The following ACTL6B variants were observed in gnomAD, a reference collection of about 807,000 sequenced individuals.
ACTL6B encodes the protein actin like 6B, also known as actin-like protein 6B.
A neutral mutation model predicts 63.3 loss-of-function variants in ACTL6B; 48 were observed. The observed-to-expected ratio is 0.76, with a 90% CI of 0.60 to 0.96. The LOEUF is 0.96. Ranked by LOEUF, ACTL6B falls within the 50% of genes least tolerant of loss-of-function variation. The pLI is 0.00. For synonymous variants in ACTL6B, 230 were observed against 223.8 expected (o/e 1.03, Z -0.25); for missense variants, 350 against 572.2 (o/e 0.61, Z 3.96).
Position 100,643,119 on chromosome 7 carries a change from A to T in ACTL6B, c.*127T>A. 1 of 1,061,762 alleles carries T rather than the reference A, an allele frequency of 9.4e-7. No individual in the cohort carries two copies. Among genetic ancestry groups the T allele is most frequent in the Non-Finnish European group, 1.4e-6 (1 of 717,384 alleles). 65.8% of individuals were successfully genotyped at this position (1,061,762 alleles called of 1,614,324 possible). On this transcript the variant is annotated 3_prime_UTR_variant, in exon 14 of 14. Coordinates refer to ENST00000160382, the MANE Select transcript of ACTL6B (RefSeq NM_016188.5). Reference sequence around the variant, plus strand: ...AACTTTTTTTTCTTAAAACATTTTTACTTCTTTCAACCCAGAAACATCACC... The same window carrying T: ...AACTTTTTTTTCTTAAAACATTTTTTCTTCTTTCAACCCAGAAACATCACC...
chr7:100,655,254 G>A lies in ACTL6B; in HGVS notation c.269-135C>T. The A allele has an allele frequency of 2.5e-6, 3 of 1,198,922 alleles. No homozygotes were observed. Among genetic ancestry groups the A allele is most frequent in the Non-Finnish European group, 3.6e-6 (3 of 841,370 alleles). 74.3% of individuals were successfully genotyped at this position (1,198,922 alleles called of 1,614,324 possible). A position where few individuals can be genotyped will look rare whatever the true frequency, so the allele number is the denominator to read the frequency against. On this transcript the variant is annotated intron_variant, in intron 3 of 13. Transcript: ENST00000160382. The surrounding 1 kb of genome is among the most constrained non-coding windows in gnomAD (Gnocchi z 4.4). ...CTCCAGGGGAACGCCCCCCTTCCCA[G>A]AAACCTGGTGGGCCCCTGGGAAGGG...
At position 100,656,430 on chromosome 7, in the gene ACTL6B, C is replaced by A. The variant is rs1278457796; in HGVS notation, c.-76G>T. 3.2e-6 allele frequency: 4 copies of A among 1,257,204 alleles called. No homozygotes were observed. Among genetic ancestry groups the A allele is most frequent in the African/African-American group, 1.6e-5 (1 of 64,452 alleles). The allele number at this position is 1,257,204 out of a possible 1,614,324, so 77.9% of individuals were successfully genotyped here. ...GAGGCGGCCGGACAGCTCCCGGGAT[C>A]CCTGGCGGGGCGGGACTCTCAGCGG... is the stretch of plus-strand genomic sequence containing the variant. On this transcript the variant is annotated 5_prime_UTR_variant, in exon 1 of 14. Coordinates refer to ENST00000160382, the MANE Select transcript of ACTL6B (RefSeq NM_016188.5).
chr7:100,646,962 C>G lies in ACTL6B; in HGVS notation c.936+9G>C, dbSNP rs1415370774. The G allele has an allele frequency of 6.2e-7, 1 of 1,613,566 alleles. No individual in the cohort carries two copies. The highest frequency in any genetic ancestry group is 8.5e-7 in the Non-Finnish European group (1 of 1,179,762). The stretch of plus-strand genomic sequence containing the variant: ...AGCACCCACCCCAGTCCTCGCCACA[C>G]AGCCAAACCTTGACGTTCGAGGGAT... On this transcript the variant is annotated intron_variant, in intron 10 of 13. Coordinates refer to ENST00000160382, the MANE Select transcript of ACTL6B (RefSeq NM_016188.5). The surrounding 1 kb of genome is among the most constrained non-coding windows in gnomAD (Gnocchi z 6.1).
chr7:100,646,841 G>C lies in ACTL6B; in HGVS notation c.937-10C>G, dbSNP rs1431840243. The C allele has an allele frequency of 1.1e-5, 18 of 1,610,634 alleles. No homozygotes were observed. Among genetic ancestry groups the C allele is most frequent in the Non-Finnish European group, 1.4e-5 (17 of 1,178,716 alleles). On this transcript the variant is annotated splice_polypyrimidine_tract_variant and intron_variant, in intron 10 of 13. Transcript: ENST00000160382. This position sits in a 1 kb window ranked among gnomAD's most constrained non-coding sequence, Gnocchi z 6.1. ...TGTTCCCCGACAGGCCCTGCAGAGA[G>C]AGGTGACTGGGGCTGTGGGCTCTCT...
intron 4 of ACTL6B, among the ~76,000 whole-genome samples, chr7:100,654,784 T>A (rs1804007019): frequency 6.6e-6 from 1 of 150,948 alleles, no homozygotes. Flanking sequence ...AAAAAAAATT[T>A]AAAAAGGACT....
intron 4 of ACTL6B, among the ~76,000 whole-genome samples, chr7:100,653,415 C>A (rs1457681019): frequency 6.6e-6 from 1 of 151,926 alleles, no homozygotes; most frequent in African/African-American, 2.4e-5. Context: ...TTTGGGAGGC[C>A]GAGGCGGGCA....
rs1309650200 is a variant in ACTL6B, at chr7:100,648,864, G to A, written c.468-41C>T. ...TAAGTCAAAGAGACAGCAGCAGCAA[G>A]TGAGGGGCCTGGGCCCAGATCTTGT... is the stretch of plus-strand genomic sequence containing the variant. On this transcript the variant is annotated intron_variant, in intron 5 of 13. Coordinates refer to ENST00000160382, the MANE Select transcript of ACTL6B (RefSeq NM_016188.5). The surrounding 1 kb of genome is among the most constrained non-coding windows in gnomAD (Gnocchi z 4.4). 16 of 1,583,764 alleles carry A rather than the reference G, an allele frequency of 1.0e-5. No homozygotes were observed. In the East Asian group the frequency reaches 3.4e-4, roughly 34 times the overall value.
intron 4 of ACTL6B, among the ~76,000 whole-genome samples, chr7:100,653,676 A>G (rs1263961942): frequency 6.6e-6 from 1 of 151,976 alleles, no homozygotes; most frequent in Admixed American, 6.6e-5. Flanking sequence ...CAAACAACAA[A>G]CAAAACCCCA....
rs191327814 is a variant in ACTL6B at position 100,655,603 on chromosome 7, G to T, written c.103-17C>A. The T allele has an allele frequency of 3.3e-3, 5,238 of 1,606,726 alleles. 72 individuals carry two copies. Among genetic ancestry groups the T allele is most frequent in the Middle Eastern group, 0.027 (161 of 6,028 alleles). On this transcript the variant is annotated splice_polypyrimidine_tract_variant and intron_variant, in intron 2 of 13. Transcript: ENST00000160382. The surrounding 1 kb of genome is among the most constrained non-coding windows in gnomAD (Gnocchi z 4.4). Reference sequence around the variant, plus strand: ...GAAGTCAGCCTGGTGGGGAAGGGTTGGGGGAGTATTGGCAGGGAGAGAGGT... The same window carrying T: ...GAAGTCAGCCTGGTGGGGAAGGGTTTGGGGAGTATTGGCAGGGAGAGAGGT...
chr7:100,650,195 C>T (rs759070937), intron 4 of ACTL6B, 60 bp from the exon 5 acceptor site: 65 of 1,456,608 alleles, frequency 4.5e-5, no homozygotes, highest in African/African-American at 2.7e-4. Flanking sequence ...CCCACATCCA[C>T]GCACACGCAA....
chr7:100,649,866 G>GT (rs1803901458), intron 5 of ACTL6B, 172 bp downstream of exon 5: 1 of 588,922 alleles, frequency 1.7e-6, no homozygotes, highest in Non-Finnish European at 3.0e-6. Flanking sequence ...CAGAGTCGGA[G>GT]GTGCTCAGTC....
chr7:100,647,396 T>C lies in ACTL6B; in HGVS notation c.759+48A>G, dbSNP rs773511386. The C allele has an allele frequency of 1.3e-6, 2 of 1,596,536 alleles. No homozygotes were observed. The highest frequency in any genetic ancestry group is 1.7e-6 in the Non-Finnish European group (2 of 1,165,052). ...TGCGGGGCCTCTGTCCCGCCCCCGA[T>C]TCATGGCAGGGGAGGGGGGTTTCAG... On this transcript the variant is annotated intron_variant, in intron 8 of 13. Transcript: ENST00000160382. The surrounding 1 kb of genome is among the most constrained non-coding windows in gnomAD (Gnocchi z 4.4).
Position 100,648,831 on chromosome 7 carries a change from C to G in ACTL6B, c.468-8G>C. The G allele has an allele frequency of 1.2e-6, 2 of 1,612,402 alleles. No homozygotes were observed. Among genetic ancestry groups the G allele is most frequent in the Non-Finnish European group, 1.7e-6 (2 of 1,179,416 alleles). On this transcript the variant is annotated splice_region_variant and splice_polypyrimidine_tract_variant and intron_variant, in intron 5 of 13. Transcript: ENST00000160382. The surrounding 1 kb of genome is among the most constrained non-coding windows in gnomAD (Gnocchi z 4.4). ...GACCGCCCGTTTGCAAAGCTGGCAT[C>G]GGATGGGTAAGTCAAAGAGACAGCA...
At chr7:100,649,568 G>A (rs1803893295) in intron 5 of ACTL6B, among the ~76,000 whole-genome samples, 1 of 152,216 alleles carries the variant, frequency 6.6e-6, no homozygotes, top group South Asian at 2.1e-4. Flanking sequence ...AAAATGCTGG[G>A]ATTACAGGCG....
At chr7:100,652,164 C>T (rs998983463) in intron 4 of ACTL6B, among the ~76,000 whole-genome samples, 41 of 151,992 alleles carry the variant, frequency 2.7e-4, no homozygotes, top group Non-Finnish European at 4.6e-4. Flanking sequence ...TTTGGGAGGC[C>T]GAGGCCGGCG....
intron 4 of ACTL6B, among the ~76,000 whole-genome samples, chr7:100,654,225 G>T (rs1326385640): frequency 1.3e-5 from 2 of 151,680 alleles, no homozygotes; most frequent in Non-Finnish European, 2.9e-5. Context: ...ACCCGCCTCG[G>T]CCTCCCAAAG....
rs1161884161 is a variant in ACTL6B, at chr7:100,646,848, C to G, written c.937-17G>C. 6.2e-7 allele frequency: 1 copy of G among 1,609,122 alleles called. No individual in the cohort carries two copies. Among genetic ancestry groups the G allele is most frequent in the South Asian group, 1.1e-5 (1 of 90,732 alleles). Reference sequence around the variant, plus strand: ...CGACAGGCCCTGCAGAGAGAGGTGACTGGGGCTGTGGGCTCTCTCCCCCTT... The same window carrying G: ...CGACAGGCCCTGCAGAGAGAGGTGAGTGGGGCTGTGGGCTCTCTCCCCCTT... On this transcript the variant is annotated splice_polypyrimidine_tract_variant and intron_variant, in intron 10 of 13. Coordinates refer to ENST00000160382, the MANE Select transcript of ACTL6B (RefSeq NM_016188.5). The surrounding 1 kb of genome is among the most constrained non-coding windows in gnomAD (Gnocchi z 6.1).
At position 100,648,537 on chromosome 7, in the gene ACTL6B, A is replaced by T; in HGVS notation, c.669+19T>A. 1.3e-6 allele frequency: 2 copies of T among 1,568,120 alleles called. No homozygotes were observed. Among genetic ancestry groups the T allele is most frequent in the Non-Finnish European group, 1.7e-6 (2 of 1,156,498 alleles). Reference sequence around the variant, plus strand: ...TGGCCAGGACTCTAGTGGCAGCTCCATGTCCCCAGAGGCCCCACCTTGGCT... The same window carrying T: ...TGGCCAGGACTCTAGTGGCAGCTCCTTGTCCCCAGAGGCCCCACCTTGGCT... On this transcript the variant is annotated intron_variant, in intron 7 of 13. Transcript: ENST00000160382. This position sits in a 1 kb window ranked among gnomAD's most constrained non-coding sequence, Gnocchi z 4.4.
At position 100,646,744 on chromosome 7, in the gene ACTL6B, G is replaced by T; in HGVS notation, c.1017+7C>A. 1 of 1,613,612 alleles carries T rather than the reference G, an allele frequency of 6.2e-7. No individual in the cohort carries two copies. On this transcript the variant is annotated splice_region_variant and intron_variant, in intron 11 of 13. Transcript: ENST00000160382. This position sits in a 1 kb window ranked among gnomAD's most constrained non-coding sequence, Gnocchi z 6.1. ...TTTGCCGAGCCTCAGCTCCGGCCTG[G>T]CCTCACCGGGCGAATATCAATGTCA...
Sources: gnomAD v4.1 joint callset for allele counts (sites outside exome capture counted in the v4.1 genomes callset) on GRCh38, gnomAD v4.1.1 for gene constraint, Gnocchi (gnomAD v3.1) non-coding constraint, MANE v1.5 for transcripts, NCBI Gene and HGNC (gene_info 2026-07-23, HGNC 2026-07-21) for gene names.